AUTS2: variants seen among roughly 807,000 people sequenced by gnomAD.
AUTS2 encodes the protein activator of transcription and developmental regulator AUTS2, also known as autism susceptibility gene 2 protein.
A neutral mutation model predicts 112.4 loss-of-function variants in AUTS2; 17 were observed. That is an observed-to-expected ratio of 0.15 (90% CI 0.10 to 0.23). AUTS2 has a LOEUF of 0.23. AUTS2 is among the 10% of genes least tolerant of loss of function. The pLI, the probability that AUTS2 is intolerant of heterozygous loss-of-function variation, is 1.00. For synonymous variants in AUTS2, 751 were observed against 702.7 expected (o/e 1.07, Z -1.09); for missense variants, 1,510 against 1,701.6 (o/e 0.89, Z 1.98).
chr7:70,494,334 CAG>C (rs759094034), intron 5 of AUTS2, among the ~76,000 whole-genome samples: 2 of 152,048 alleles, frequency 1.3e-5, no homozygotes, highest in South Asian at 4.2e-4. Context: ...AAGACTCTGA[CAG>C]AGTTTTATGT....
intron 4 of AUTS2, among the ~76,000 whole-genome samples, chr7:70,366,522 G>GAA (rs1388245842): frequency 1.3e-5 from 2 of 152,100 alleles, no homozygotes; most frequent in African/African-American, 2.4e-5. Context: ...AATAGTGAGA[G>GAA]ATAAAACAGG....
At chr7:69,925,466 C>A (rs75774071) in intron 2 of AUTS2, among the ~76,000 whole-genome samples, 2,425 of 152,246 alleles carry the variant, frequency 0.016, 23 homozygotes, top group Middle Eastern at 0.031. Flanking sequence ...GTTTAGAGTA[C>A]TTTCTGATTT....
At chr7:69,602,038 A>G (rs5007800) in intron 1 of AUTS2, among the ~76,000 whole-genome samples, 24 of 10,040 alleles carry the variant, frequency 2.4e-3, no homozygotes, top group East Asian at 0.01. Flanking sequence ...ATATATATAT[A>G]TATGTGTGTG....
chr7:70,752,318 A>G (rs1041833128), intron 6 of AUTS2, among the ~76,000 whole-genome samples: 1 of 152,132 alleles, frequency 6.6e-6, no homozygotes, highest in Non-Finnish European at 1.5e-5. Flanking sequence ...CAATATTTGG[A>G]GTTTTCCTGT....
chr7:70,785,820 G>T, intron 16 of AUTS2, 135 bp from the exon 17 acceptor site: 1 of 721,294 alleles, frequency 1.4e-6, no homozygotes. Flanking sequence ...TACACCATCT[G>T]GTAGGAAAAG....
chr7:70,238,685 G>T, intron 4 of AUTS2, among the ~76,000 whole-genome samples: 1 of 151,812 alleles, frequency 6.6e-6, no homozygotes, highest in East Asian at 1.9e-4. Context: ...AACTGTAGGA[G>T]GACTAAGATT....
intron 2 of AUTS2, among the ~76,000 whole-genome samples, chr7:70,078,866 C>G (rs1005838894): frequency 1.3e-5 from 2 of 152,232 alleles, no homozygotes; most frequent in Non-Finnish European, 2.9e-5. Flanking sequence ...AAATTCTCGT[C>G]TGCTCTCATG....
At chr7:70,608,287 T>A (rs892520673) in intron 5 of AUTS2, among the ~76,000 whole-genome samples, 1 of 152,012 alleles carries the variant, frequency 6.6e-6, no homozygotes. Context: ...ATTTTTTTTG[T>A]ATAGATGGGG....
Position 70,784,953 on chromosome 7 carries a change from C to A in AUTS2, c.2158C>A (p.Pro720Thr). The A allele has an allele frequency of 6.2e-7, 1 of 1,614,050 alleles. No homozygotes were observed. The highest frequency in any genetic ancestry group is 8.5e-7 in the Non-Finnish European group (1 of 1,180,016). Reference sequence around the variant, plus strand: ...GTTTGACTTAACAGGTGCTGCACACCCAACTGGGACCCCTTTTGGGCCACC... The same window carrying A: ...GTTTGACTTAACAGGTGCTGCACACACAACTGGGACCCCTTTTGGGCCACC... ...TLFSAAGAAH[P>T]TGTPFGPPPH... is the part of the protein sequence containing the mutation. Residue 720 changes from proline (P) to threonine (T), a missense_variant, in exon 16 of 19, where the codon CCA becomes ACA. Pro to Thr is a conservative substitution (Grantham distance 38). Around this residue, in one of 3 missense-constraint regions of AUTS2, gnomAD observed 788 missense variants for 797.6 expected, o/e 0.99. Transcript: ENST00000342771.
intron 1 of AUTS2, among the ~76,000 whole-genome samples, chr7:69,853,309 A>G (rs1043646456): frequency 2.0e-5 from 3 of 151,902 alleles, no homozygotes; most frequent in Non-Finnish European, 2.9e-5. Context: ...TTACAACTCC[A>G]TTTTTTTGCC....
At chr7:70,191,288 C>T (rs1442626805) in intron 4 of AUTS2, among the ~76,000 whole-genome samples, 1 of 151,642 alleles carries the variant, frequency 6.6e-6, no homozygotes, top group Non-Finnish European at 1.5e-5. Context: ...CCACCTCAGC[C>T]TCCCTAGTAG....
At chr7:69,870,794 G>T (rs981005726) in intron 1 of AUTS2, among the ~76,000 whole-genome samples, 7 of 151,902 alleles carry the variant, frequency 4.6e-5, no homozygotes, top group African/African-American at 1.7e-4. Flanking sequence ...TTCTTCTAGG[G>T]GATCTCTCTC....
chr7:70,493,989 A>G (rs1207380601), intron 5 of AUTS2, among the ~76,000 whole-genome samples: 3 of 152,210 alleles, frequency 2.0e-5, no homozygotes, highest in African/African-American at 7.2e-5. Flanking sequence ...AAAAGTCAAC[A>G]AAGAAAATAG....
At chr7:70,450,388 C>G (rs1796482297) in intron 5 of AUTS2, among the ~76,000 whole-genome samples, 1 of 152,286 alleles carries the variant, frequency 6.6e-6, no homozygotes, top group South Asian at 2.1e-4. Context: ...TTAGATCTTG[C>G]TGCAGCACAT....
chr7:70,045,753 C>T lies in AUTS2; in HGVS notation c.523-72379C>T, dbSNP rs543871993. Among the ~76,000 whole-genome samples, 21 of 150,096 alleles carry T rather than the reference C, an allele frequency of 1.4e-4. No homozygotes were observed. The East Asian group carries it at 3.5e-3, about 25-fold the overall frequency. ...CCTCCCGAGTAGCTGGGATTACAGG[C>T]GCATGCCACCATGCTCAGCTAATTT... On this transcript the variant is annotated intron_variant, in intron 2 of 18. Coordinates refer to ENST00000342771, the MANE Select transcript of AUTS2 (RefSeq NM_015570.4).
chr7:69,903,714 A>G (rs934059184), intron 2 of AUTS2, among the ~76,000 whole-genome samples: 3 of 152,230 alleles, frequency 2.0e-5, no homozygotes, highest in East Asian at 3.8e-4. Flanking sequence ...TCCTAAAGAA[A>G]GAGGCAACCT....
At chr7:70,757,969 A>G (rs964997615) in intron 6 of AUTS2, among the ~76,000 whole-genome samples, 1 of 151,954 alleles carries the variant, frequency 6.6e-6, no homozygotes, top group African/African-American at 2.4e-5. Flanking sequence ...TTTAGCAGAG[A>G]TGGAGTTTCA....
intron 4 of AUTS2, among the ~76,000 whole-genome samples, chr7:70,325,381 T>C (rs1167415498): frequency 6.6e-6 from 1 of 152,156 alleles, no homozygotes; most frequent in Non-Finnish European, 1.5e-5. Context: ...ATTTTTCTTA[T>C]GTAAAGAAGT....
intron 4 of AUTS2, among the ~76,000 whole-genome samples, chr7:70,152,434 T>A (rs1177044992): frequency 6.6e-6 from 1 of 151,596 alleles, no homozygotes; most frequent in East Asian, 1.9e-4. Context: ...AGCAGATTTT[T>A]TTTTTTCTGG....
Sources: gnomAD v4.1 joint callset for allele counts (sites outside exome capture counted in the v4.1 genomes callset) on GRCh38, gnomAD v4.1.1 for gene constraint, gnomAD v4.1.1 regional missense constraint, MANE v1.5 for transcripts, NCBI Gene and HGNC (gene_info 2026-07-23, HGNC 2026-07-21) for gene names.